SLC35E4: variants seen among roughly 807,000 people sequenced by gnomAD.
SLC35E4 encodes the protein solute carrier family 35, member E4.
A neutral mutation model predicts 19.3 loss-of-function variants in SLC35E4; 15 were observed. The ratio of observed to expected loss-of-function variants is 0.78; its 90% CI spans 0.52 to 1.20. SLC35E4 has a LOEUF of 1.20. Among genes scored for constraint, SLC35E4 ranks in the 50% most tolerant of loss-of-function variants. SLC35E4 has a pLI of 0.00. For synonymous variants in SLC35E4, 219 were observed against 219.9 expected (o/e 1.00, Z 0.04); for missense variants, 406 against 472.3 (o/e 0.86, Z 1.30).
At chr22:30,663,740 G>A, downstream of SLC35E4, 1 of 1,614,238 alleles carries the variant, frequency 6.2e-7, no homozygotes, top group Non-Finnish European at 8.5e-7. Context: ...TGTGGATATG[G>A]TCAGCAATAG....
chr22:30,644,339 A>G (rs1488480060), intron 1 of SLC35E4, among the ~76,000 whole-genome samples: 1 of 152,234 alleles, frequency 6.6e-6, no homozygotes, highest in Admixed American at 6.5e-5. Flanking sequence ...AGTGTGTGTC[A>G]GAAAATGCAT....
chr22:30,657,803 C>T (rs1448973892), intron 2 of SLC35E4, among the ~76,000 whole-genome samples: 2 of 151,254 alleles, frequency 1.3e-5, no homozygotes, highest in Non-Finnish European at 2.9e-5. Flanking sequence ...ACTCGGGAGG[C>T]TGAGGCAGGA....
chr22:30,665,912 G>A (rs943086812), downstream of SLC35E4, among the ~76,000 whole-genome samples: 4 of 148,064 alleles, frequency 2.7e-5, no homozygotes, highest in East Asian at 2.1e-4. Flanking sequence ...CTCTGGCAGC[G>A]TGTCTCCAGA....
downstream of SLC35E4, among the ~76,000 whole-genome samples, chr22:30,649,526 T>C (rs1182360290): frequency 6.7e-6 from 1 of 150,276 alleles, no homozygotes. Context: ...GGAGGACCGG[T>C]ATGGGGTTTC....
intron 1 of SLC35E4, among the ~76,000 whole-genome samples, chr22:30,641,718 A>ACTTT (rs2088041646): frequency 9.2e-6 from 1 of 108,948 alleles, no homozygotes; most frequent in Admixed American, 1.0e-4. Context: ...CTAATTTTTA[A>ACTTT]TTTTTTTTTT....
rs560318624 is a variant in SLC35E4 at position 30,654,307 on chromosome 22, T to A, written c.*8+5054T>A. The A allele has an allele frequency of 6.4e-4, 296 of 459,948 alleles. 5 individuals are homozygous for A. Among genetic ancestry groups the A allele is most frequent in the South Asian group, 4.5e-3 (289 of 64,760 alleles). 28.5% of individuals were successfully genotyped at this position (459,948 alleles called of 1,614,324 possible). A position where few individuals can be genotyped will look rare whatever the true frequency, so the allele number is the denominator to read the frequency against. ...CCATCCCATGAGCTGTTTCTTATTC[T>A]GGTAGTGGATCTTGGCCTTCTCCTT... On this transcript the variant is annotated intron_variant, in intron 2 of 2. Transcript: ENST00000406566.
intron 1 of SLC35E4, 38 bp from the exon 2 acceptor site, chr22:30,646,560 T>G: frequency 6.4e-7 from 1 of 1,567,682 alleles, no homozygotes; most frequent in Admixed American, 1.7e-5. Flanking sequence ...GAGGGGGTTG[T>G]GTCCTTCTGG....
intron 1 of SLC35E4, among the ~76,000 whole-genome samples, chr22:30,641,504 T>G (rs8135187): frequency 1 from 152,224 of 152,272 alleles, 76,088 homozygotes; most frequent in Middle Eastern, 1. Context: ...CCTGGGGCCT[T>G]GCAGAGGATA....
chr22:30,643,365 G>A (rs781558499), intron 1 of SLC35E4, among the ~76,000 whole-genome samples: 2 of 152,196 alleles, frequency 1.3e-5, no homozygotes, highest in Non-Finnish European at 2.9e-5. Flanking sequence ...GTTGGGGAGC[G>A]GTTGCTTCTT....
rs1385137955 is a variant in SLC35E4, at chr22:30,636,681, G to T, written c.231G>T (p.Gly77=). 2.5e-6 allele frequency: 4 copies of T among 1,611,844 alleles called. No homozygotes were observed. The Admixed American group carries it at 5.0e-5, about 20-fold the overall frequency. ...GGATCTTCACAGTGCACGGCTTTGG[G>T]CGGCCCCTGCTGCTGTCGGCCCTGC... ...NKWIFTVHGF[G]RPLLLSALHM... is the part of the protein sequence containing the mutation. The change falls in exon 1 of 2, where the codon GGG becomes GGT. Residue 77 remains glycine, a synonymous_variant. Transcript: ENST00000343605.
chr22:30,654,623 G>A lies in SLC35E4; in HGVS notation c.*8+5370G>A, dbSNP rs530418778. The A allele has an allele frequency of 3.0e-3, 1,362 of 460,338 alleles. 10 individuals carry two copies. The highest frequency in any genetic ancestry group is 4.6e-3 in the Non-Finnish European group (1,066 of 232,606). The allele number at this position is 460,338 out of a possible 1,614,324, so 28.5% of individuals were successfully genotyped here. A position where few individuals can be genotyped will look rare whatever the true frequency, so the allele number is the denominator to read the frequency against. ...GGGGCCCAGAAGTGGTAGGTGCCTC[G>A]GGAAGGGTTGCTGTTCATCCACTTG... On this transcript the variant is annotated intron_variant, in intron 2 of 2. Coordinates refer to the SLC35E4 transcript ENST00000406566.
rs541958391 is a variant in SLC35E4, at chr22:30,645,578, G to C, written c.620-1020G>C. ...CCACTGCATTCCAGCCTGGGCAACAGAGCAAGACTCTGTCTCCAAAAAAAA... is the reference window on the plus strand; with the variant it reads ...CCACTGCATTCCAGCCTGGGCAACACAGCAAGACTCTGTCTCCAAAAAAAA... On this transcript the variant is annotated intron_variant, in intron 1 of 1. Coordinates refer to ENST00000343605, the MANE Select transcript of SLC35E4 (RefSeq NM_001001479.4). Among the ~76,000 whole-genome samples, 68 of 122,224 alleles carry C rather than the reference G, an allele frequency of 5.6e-4. 1 individual carries two copies. The South Asian group carries it at 0.013, about 23-fold the overall frequency. 80.2% of individuals were successfully genotyped at this position (122,224 alleles called of 152,430 possible).
chr22:30,636,253 T>C lies in SLC35E4; in HGVS notation c.-198T>C. On this transcript the variant is annotated 5_prime_UTR_variant, in exon 1 of 2. Transcript: ENST00000343605. ...AGCAGCCGCGACCTTGGCTCTGCCC[T>C]GTCTGAGCTGGAAACACAGCTTAGC... 2.6e-6 allele frequency: 2 copies of C among 778,328 alleles called. No homozygotes were observed. Among genetic ancestry groups the C allele is most frequent in the South Asian group, 5.0e-5 (2 of 40,142 alleles). The allele number at this position is 778,328 out of a possible 1,614,324, so 48.2% of individuals were successfully genotyped here.
downstream of SLC35E4, among the ~76,000 whole-genome samples, chr22:30,650,148 A>G (rs1014311603): frequency 2.0e-5 from 3 of 149,158 alleles, no homozygotes; most frequent in Non-Finnish European, 4.5e-5. Context: ...CCTGGCCAAC[A>G]TGGTGAAACC....
chr22:30,651,369 TTTTG>T (rs1193983370), downstream of SLC35E4, among the ~76,000 whole-genome samples: 4 of 66,126 alleles, frequency 6.0e-5, no homozygotes, highest in East Asian at 1.8e-3. Flanking sequence ...CGTGGCTAAT[TTTTG>T]TGTGTGTGTG....
At chr22:30,664,041 C>T, downstream of SLC35E4, 6 of 1,563,822 alleles carry the variant, frequency 3.8e-6, no homozygotes, top group South Asian at 1.2e-5. Context: ...CAGCGAAGCA[C>T]GAAGGCTGCG....
downstream of SLC35E4, chr22:30,663,384 G>C (rs1045851006): frequency 2.6e-6 from 4 of 1,518,020 alleles, no homozygotes; most frequent in African/African-American, 4.1e-5. Context: ...CTTGGTGTAA[G>C]ATCAACAATA....
chr22:30,653,977 G>GTTTT (rs1316985664), intron 2 of SLC35E4: 5 of 149,812 alleles, frequency 3.3e-5, no homozygotes, highest in South Asian at 1.8e-4. Context: ...TAGCTGTTTT[G>GTTTT]TTTTTTTGTT....
chr22:30,653,964 C>T, intron 2 of SLC35E4: 1 of 165,896 alleles, frequency 6.0e-6, no homozygotes, highest in Non-Finnish European at 1.3e-5. Context: ...TCTGTAGCCT[C>T]ATTAGCTGTT....
Sources: allele counts gnomAD v4.1 joint callset (sites outside exome capture counted in the v4.1 genomes callset), GRCh38; gene constraint gnomAD v4.1.1; transcripts MANE v1.5; gene names NCBI Gene and HGNC (gene_info 2026-07-23, HGNC 2026-07-21).